Variants in ACTR3C observed in about 807,000 individuals in gnomAD.
ACTR3C encodes the protein actin related protein 3C.
ACTR3C carries 18 observed loss-of-function variants against 26.3 expected under a neutral mutation model. That is an observed-to-expected ratio of 0.68 (90% confidence interval 0.47 to 1.01). The LOEUF is 1.01. Ranked by LOEUF, ACTR3C falls within the 50% of genes least tolerant of loss-of-function variation. The pLI is 0.00. For synonymous variants in ACTR3C, 55 were observed against 94.5 expected (o/e 0.58, Z 2.42); for missense variants, 184 against 250.7 (o/e 0.73, Z 1.80).
intron 6 of ACTR3C, among the ~76,000 whole-genome samples, chr7:150,254,507 G>C (rs1256664903): frequency 6.6e-6 from 1 of 151,948 alleles, no homozygotes; most frequent in Non-Finnish European, 1.5e-5. Context: ...GAAAATAAAG[G>C]ATCAGGCCTC....
the ACTR3C span, among the ~76,000 whole-genome samples, chr7:149,906,037 C>T: frequency 2.0e-5 from 3 of 152,080 alleles, no homozygotes; most frequent in South Asian, 2.1e-4. Context: ...GGAAAAAAAT[C>T]GTTGTATATT....
the ACTR3C span, among the ~76,000 whole-genome samples, chr7:149,891,818 T>G: frequency 2.4e-4 from 8 of 33,754 alleles, no homozygotes; most frequent in East Asian, 0.056. Context: ...GAGTAAGACC[T>G]ATCTCTAAAA....
At chr7:150,265,100 C>T (rs78279514) in intron 6 of ACTR3C, among the ~76,000 whole-genome samples, 6,782 of 151,876 alleles carry the variant, frequency 0.045, 135 homozygotes, top group South Asian at 0.064. Context: ...TTCAAAAAGG[C>T]CAGTTTACCC....
chr7:149,969,575 T>C, the ACTR3C span, among the ~76,000 whole-genome samples: 17 of 152,302 alleles, frequency 1.1e-4, no homozygotes, highest in East Asian at 5.8e-4. Context: ...ATGCCTCTTA[T>C]CTGTACCTAA....
At chr7:150,015,419 G>A in the ACTR3C span, among the ~76,000 whole-genome samples, 8 of 152,082 alleles carry the variant, frequency 5.3e-5, no homozygotes, top group African/African-American at 9.7e-5. Context: ...TGACCTTAAA[G>A]TAAACATCCA....
chr7:149,986,550 C>T, the ACTR3C span, among the ~76,000 whole-genome samples: 1 of 152,082 alleles, frequency 6.6e-6, no homozygotes, highest in Admixed American at 6.6e-5. Flanking sequence ...AGGGTAAGCA[C>T]CATGTTTCCT....
At chr7:149,886,768 C>T in the ACTR3C span, among the ~76,000 whole-genome samples, 6 of 152,198 alleles carry the variant, frequency 3.9e-5, no homozygotes, top group East Asian at 3.9e-4. Context: ...CCAGGCTGGG[C>T]GTCATAGTGA....
At chr7:150,194,247 C>A in the ACTR3C span, among the ~76,000 whole-genome samples, 2 of 145,106 alleles carry the variant, frequency 1.4e-5, no homozygotes, top group Non-Finnish European at 3.0e-5. Context: ...ATATTAATAT[C>A]ATAGAAAAGT....
downstream of ACTR3C, among the ~76,000 whole-genome samples, chr7:150,241,925 T>C (rs1832198887): frequency 6.6e-6 from 1 of 152,080 alleles, no homozygotes; most frequent in Non-Finnish European, 1.5e-5. Flanking sequence ...TGTATTAAGA[T>C]ACCACTTTGT....
the ACTR3C span, among the ~76,000 whole-genome samples, chr7:150,229,296 T>C: frequency 7.9e-5 from 12 of 152,148 alleles, no homozygotes; most frequent in Non-Finnish European, 1.6e-4. Context: ...GTCTGGCCAT[T>C]AGCTGTCATG....
the ACTR3C span, among the ~76,000 whole-genome samples, chr7:149,925,049 T>C: frequency 6.6e-6 from 1 of 151,940 alleles, no homozygotes; most frequent in East Asian, 1.9e-4. Context: ...AAAACCACCA[T>C]GTAATCTAGG....
the ACTR3C span, among the ~76,000 whole-genome samples, chr7:149,912,612 C>G: frequency 1.3e-5 from 2 of 151,522 alleles, no homozygotes; most frequent in Non-Finnish European, 2.9e-5. Context: ...AAGCGATTCT[C>G]CTGCCTCAGC....
the ACTR3C span, among the ~76,000 whole-genome samples, chr7:150,003,787 CGTG>C: frequency 6.8e-6 from 1 of 147,966 alleles, no homozygotes; most frequent in Admixed American, 6.7e-5. Context: ...TGTAGGTGTG[CGTG>C]GTGTGTGTGG....
the ACTR3C span, among the ~76,000 whole-genome samples, chr7:149,981,063 T>A: frequency 9.9e-5 from 15 of 152,132 alleles, no homozygotes; most frequent in East Asian, 2.7e-3. Context: ...CAATAACTTC[T>A]GTAAGTTTGT....
chr7:149,954,222 C>T, the ACTR3C span, among the ~76,000 whole-genome samples: 1 of 152,032 alleles, frequency 6.6e-6, no homozygotes, highest in Non-Finnish European at 1.5e-5. Flanking sequence ...AGAAGAATCA[C>T]AATGAAAGTC....
At chr7:150,003,402 G>A in the ACTR3C span, among the ~76,000 whole-genome samples, 2 of 152,260 alleles carry the variant, frequency 1.3e-5, no homozygotes, top group Admixed American at 6.5e-5. Context: ...ATGATGTATG[G>A]AAGAAGTGTG....
At chr7:149,993,534 C>T in the ACTR3C span, among the ~76,000 whole-genome samples, 1 of 152,032 alleles carries the variant, frequency 6.6e-6, no homozygotes, top group African/African-American at 2.4e-5. Context: ...GGAATGGAGT[C>T]GCTTCCTGCA....
chr7:150,252,758 C>T (rs1832942145), intron 6 of ACTR3C, among the ~76,000 whole-genome samples: 1 of 152,106 alleles, frequency 6.6e-6, no homozygotes. Flanking sequence ...CTTCTCTGAC[C>T]ATCTAATTGT....
the ACTR3C span, among the ~76,000 whole-genome samples, chr7:150,109,389 C>G: frequency 1.1e-3 from 171 of 152,022 alleles, 2 homozygotes; most frequent in African/African-American, 4.0e-3. Flanking sequence ...CAAAGAAGAT[C>G]ACTCTAAAAG....
Sources: gnomAD v4.1 joint callset for allele counts (sites outside exome capture counted in the v4.1 genomes callset) on GRCh38, gnomAD v4.1.1 for gene constraint, MANE v1.5 for transcripts, NCBI Gene and HGNC (gene_info 2026-07-23, HGNC 2026-07-21) for gene names.